POMT1: variants seen among roughly 807,000 people sequenced by gnomAD.
The protein encoded by POMT1 is protein O-mannosyltransferase 1.
POMT1 carries 85 observed loss-of-function variants against 101.6 expected under a neutral mutation model. The observed-to-expected ratio is 0.84, with a 90% confidence interval of 0.70 to 1.00. POMT1 has a LOEUF of 1.00. Among genes scored for constraint, POMT1 ranks in the 50% least tolerant of loss-of-function variants. The pLI, the probability that POMT1 is intolerant of heterozygous loss-of-function variation, is 0.00. For synonymous variants in POMT1, 371 were observed against 383.0 expected (o/e 0.97, Z 0.37); for missense variants, 857 against 930.4 (o/e 0.92, Z 1.03).
chr9:131,506,322 A>G (rs914708446), intron 3 of POMT1, 81 bp from the exon 4 acceptor site: 1 of 1,553,646 alleles, frequency 6.4e-7, no homozygotes, highest in Non-Finnish European at 8.9e-7. Flanking sequence ...CTTATTATTG[A>G]TGCATCTTGT....
rs1947250896 is a variant in POMT1, at chr9:131,512,144, C to T, written c.1082+8C>T. ...TGTAAAGGATCCCAGGAGGTGAGTG[C>T]AGGTCCTGTGACTCCAGAGCAGAGC... On this transcript the variant is annotated splice_region_variant and intron_variant, in intron 11 of 19. Transcript: ENST00000402686. 6.2e-7 allele frequency: 1 copy of T among 1,613,374 alleles called. No individual in the cohort carries two copies. The highest frequency in any genetic ancestry group is 1.3e-5 in the African/African-American group (1 of 74,902).
rs1280682383 is a variant in POMT1, at chr9:131,519,930, C to T, written c.1585-150C>T. The T allele has an allele frequency of 1.6e-5, 11 of 701,534 alleles. No homozygotes were observed. The highest frequency in any genetic ancestry group is 2.8e-5 in the Non-Finnish European group (11 of 392,548). 43.5% of individuals were successfully genotyped at this position (701,534 alleles called of 1,614,324 possible). Reference sequence around the variant, plus strand: ...CACATTCAGGGCTGGAATCCAGGTTCTCATCATGCTGCCTCCGATGCATGA... The same window carrying T: ...CACATTCAGGGCTGGAATCCAGGTTTTCATCATGCTGCCTCCGATGCATGA... On this transcript the variant is annotated intron_variant, in intron 16 of 19. Transcript: ENST00000402686. The surrounding 1 kb of genome is among the most constrained non-coding windows in gnomAD (Gnocchi z 4.3).
At chr9:131,505,785 A>C (rs1945679472) in intron 2 of POMT1, among the ~76,000 whole-genome samples, 1 of 151,922 alleles carries the variant, frequency 6.6e-6, no homozygotes, top group Non-Finnish European at 1.5e-5. Context: ...GTAGGTGGGT[A>C]AGCAGGATTA....
At position 131,503,983 on chromosome 9, in the gene POMT1, G is replaced by A. The variant is rs192002002; in HGVS notation, c.-30-206G>A. ...GAAAGGAGTGAATGTCCAGTCCTGA[G>A]ATCCCCTGAATTCCCACCCGAGTTC... is the stretch of plus-strand genomic sequence containing the variant. On this transcript the variant is annotated intron_variant, in intron 1 of 19. Coordinates refer to ENST00000402686, the MANE Select transcript of POMT1 (RefSeq NM_001077365.2). The surrounding 1 kb of genome is among the most constrained non-coding windows in gnomAD (Gnocchi z 4.4). Among the ~76,000 whole-genome samples, 15 of 152,320 alleles carry A rather than the reference G, an allele frequency of 9.8e-5. No homozygotes were observed. The East Asian group carries it at 2.9e-3, about 29-fold the overall frequency.
At chr9:131,518,372 T>C (rs1193247645) in intron 13 of POMT1, 73 bp from the exon 14 acceptor site, 1 of 1,226,618 alleles carries the variant, frequency 8.2e-7, no homozygotes, top group South Asian at 1.2e-5. Flanking sequence ...CATTGTTTGG[T>C]GACAGGTCTT....
chr9:131,506,013 C>G, intron 2 of POMT1, 101 bp from the exon 3 acceptor site: 1 of 1,517,694 alleles, frequency 6.6e-7, no homozygotes, highest in Non-Finnish European at 9.0e-7. Context: ...TGATCACTCA[C>G]TCAAAGTCAT....
chr9:131,519,266 G>A lies in POMT1; in HGVS notation c.1487-123G>A, dbSNP rs543604306. 57 of 1,000,940 alleles carry A rather than the reference G, an allele frequency of 5.7e-5. No homozygotes were observed. The highest frequency in any genetic ancestry group is 5.4e-4 in the African/African-American group (34 of 62,442). The allele number at this position is 1,000,940 out of a possible 1,614,324, so 62.0% of individuals were successfully genotyped here. A position where few individuals can be genotyped will look rare whatever the true frequency, so the allele number is the denominator to read the frequency against. On this transcript the variant is annotated intron_variant, in intron 15 of 19. Transcript: ENST00000402686. The surrounding 1 kb of genome is among the most constrained non-coding windows in gnomAD (Gnocchi z 4.3). Reference sequence around the variant, plus strand: ...TGGGGAAAGCTAAGTGGAATGATGCGGTTCGATAAGGGGTCTTTGTTAGAA... The same window carrying A: ...TGGGGAAAGCTAAGTGGAATGATGCAGTTCGATAAGGGGTCTTTGTTAGAA...
Position 131,522,811 on chromosome 9 carries a change from C to G in POMT1, c.2004-121C>G, listed in dbSNP as rs1454984090. 9.1e-7 allele frequency: 1 copy of G among 1,097,474 alleles called. No individual in the cohort carries two copies. The highest frequency in any genetic ancestry group is 1.6e-5 in the African/African-American group (1 of 64,336). The allele number at this position is 1,097,474 out of a possible 1,614,324, so 68.0% of individuals were successfully genotyped here. A position where few individuals can be genotyped will look rare whatever the true frequency, so the allele number is the denominator to read the frequency against. On this transcript the variant is annotated intron_variant, in intron 19 of 19. Coordinates refer to ENST00000402686, the MANE Select transcript of POMT1 (RefSeq NM_001077365.2). The surrounding 1 kb of genome is among the most constrained non-coding windows in gnomAD (Gnocchi z 5.5). ...GGTGGCAGGAGACAAGACACAGAAA[C>G]CTGAAGGCAGAACCCCAGGCCTCGG...
intron 9 of POMT1, chr9:131,510,975 C>CG: frequency 3.8e-6 from 1 of 262,492 alleles, no homozygotes; most frequent in South Asian, 5.0e-5. Context: ...CTGCCGACGG[C>CG]CAGTGCTGTA....
At chr9:131,513,483 G>A in intron 12 of POMT1, 152 bp downstream of exon 12, 1 of 812,394 alleles carries the variant, frequency 1.2e-6, no homozygotes, top group Non-Finnish European at 2.0e-6. Flanking sequence ...TTTGATGCCG[G>A]GAGGGGACCC....
chr9:131,523,195 C>A lies in POMT1; in HGVS notation c.*89C>A. The A allele has an allele frequency of 6.6e-7, 1 of 1,507,406 alleles. No homozygotes were observed. The highest frequency in any genetic ancestry group is 1.2e-5 in the South Asian group (1 of 84,950). The allele number at this position is 1,507,406 out of a possible 1,614,324, so 93.4% of individuals were successfully genotyped here. On this transcript the variant is annotated 3_prime_UTR_variant, in exon 20 of 20. Transcript: ENST00000402686. ...TGTACGTAATGAGCAGGGTGGGCCC[C>A]ACGCTGGGAGGACACGGGCTGGGCT...
intron 5 of POMT1, 37 bp downstream of exon 5, chr9:131,507,551 C>T (rs755894600): frequency 1.2e-5 from 19 of 1,612,842 alleles, no homozygotes; most frequent in Non-Finnish European, 1.4e-5. Flanking sequence ...TGCTGTCATG[C>T]AGGGAAGAAC....
chr9:131,511,826 G>C (rs574981709), intron 10 of POMT1: 1 of 608,798 alleles, frequency 1.6e-6, no homozygotes, highest in East Asian at 2.8e-5. Context: ...GGAGAAAGGC[G>C]TGTGGGCCCG....
intron 17 of POMT1, among the ~76,000 whole-genome samples, chr9:131,520,829 G>A (rs956405715): frequency 6.6e-5 from 10 of 151,308 alleles, no homozygotes; most frequent in African/African-American, 2.4e-4. Context: ...CATCAGTGCT[G>A]TGTGTGTGTG....
intron 11 of POMT1, 35 bp from the exon 12 acceptor site, chr9:131,513,204 G>T: frequency 1.3e-6 from 2 of 1,565,902 alleles, no homozygotes; most frequent in Non-Finnish European, 1.8e-6. Context: ...AGGGGACCAG[G>T]CTCTGTGTGG....
At chr9:131,518,404 T>C (rs770078767) in intron 13 of POMT1, 41 bp from the exon 14 acceptor site, 36 of 1,530,542 alleles carry the variant, frequency 2.4e-5, no homozygotes, top group Non-Finnish European at 1.3e-5. Context: ...TGAAGGAAAT[T>C]TGAAAAGGAA....
At chr9:131,508,884 T>C (rs771250809) in intron 5 of POMT1, 27 bp from the exon 6 acceptor site, 2 of 1,521,490 alleles carry the variant, frequency 1.3e-6, no homozygotes, top group Non-Finnish European at 1.8e-6. Context: ...TACCTTAAAA[T>C]TGACATGTGT....
In POMT1 at chr9:131,506,246, C is replaced by A. The variant is rs376093998; in HGVS notation, c.229+26C>A. 8.3e-5 allele frequency: 134 copies of A among 1,607,842 alleles called. 1 individual carries two copies. Among genetic ancestry groups the A allele is most frequent in the Non-Finnish European group, 1.1e-4 (129 of 1,174,368 alleles). On this transcript the variant is annotated intron_variant, in intron 3 of 19. Coordinates refer to ENST00000402686, the MANE Select transcript of POMT1 (RefSeq NM_001077365.2). Reference sequence around the variant, plus strand: ...GTAGGAGTCATCAGGAGAGTAGCCCCTACCCTTCAGGACCTCAAATACATT... The same window carrying A: ...GTAGGAGTCATCAGGAGAGTAGCCCATACCCTTCAGGACCTCAAATACATT...
chr9:131,505,162 C>G (rs150789173), intron 2 of POMT1, among the ~76,000 whole-genome samples: 224 of 150,470 alleles, frequency 1.5e-3, no homozygotes, highest in African/African-American at 5.0e-3. Context: ...ATGACCCCCC[C>G]ACACACACCA....
Sources: gnomAD v4.1 joint callset for allele counts (sites outside exome capture counted in the v4.1 genomes callset) on GRCh38, gnomAD v4.1.1 for gene constraint, Gnocchi (gnomAD v3.1) non-coding constraint, MANE v1.5 for transcripts, NCBI Gene and HGNC (gene_info 2026-07-23, HGNC 2026-07-21) for gene names.